PLD5: variants seen among roughly 807,000 people sequenced by gnomAD.
PLD5 encodes the protein phospholipase D family member 5, also known as inactive phospholipase D5.
A neutral mutation model predicts 61.1 loss-of-function variants in PLD5; 36 were observed. That is an observed-to-expected ratio of 0.59 (90% CI 0.45 to 0.78). The LOEUF (loss-of-function observed/expected upper bound fraction) is 0.78. Ranked by LOEUF, PLD5 falls within the 30% of genes least tolerant of loss-of-function variation. The pLI, the probability that PLD5 is intolerant of heterozygous loss-of-function variation, is 0.00. For missense variants in PLD5, 515 were observed against 644.4 expected, an observed-to-expected ratio of 0.80 and a Z score of 2.17; for synonymous variants, 243 against 242.8, an observed-to-expected ratio of 1.00 and a Z score of -0.01.
chr1:242,268,169 G>A (rs540124913), intron 3 of PLD5, among the ~76,000 whole-genome samples: 1 of 152,164 alleles, frequency 6.6e-6, no homozygotes, highest in South Asian at 2.1e-4. Flanking sequence ...ACTCCTCCAA[G>A]GAGTCCATTC....
intron 4 of PLD5, among the ~76,000 whole-genome samples, chr1:242,246,752 T>C (rs1443364901): frequency 2.6e-5 from 4 of 152,204 alleles, no homozygotes; most frequent in Non-Finnish European, 5.9e-5. Flanking sequence ...AGGTTTATTC[T>C]GAGCCAATCT....
At chr1:242,329,613 T>C (rs1231463838) in intron 2 of PLD5, among the ~76,000 whole-genome samples, 1 of 152,224 alleles carries the variant, frequency 6.6e-6, no homozygotes, top group Non-Finnish European at 1.5e-5. Context: ...ATCATTTAGG[T>C]CATTGGATAT....
chr1:242,314,267 GAGATAC>G (rs1676877626), intron 2 of PLD5, among the ~76,000 whole-genome samples: 1 of 152,158 alleles, frequency 6.6e-6, no homozygotes, highest in African/African-American at 2.4e-5. Context: ...CAAGCTTAAA[GAGATAC>G]AAGCCAGATG....
At chr1:242,150,500 T>C (rs1452977447) in intron 5 of PLD5, among the ~76,000 whole-genome samples, 2 of 151,866 alleles carry the variant, frequency 1.3e-5, no homozygotes, top group African/African-American at 2.4e-5. Context: ...TAGATGCATA[T>C]ACATTTAGGA....
chr1:242,130,281 A>T (rs1314863705), intron 5 of PLD5, among the ~76,000 whole-genome samples: 3 of 152,098 alleles, frequency 2.0e-5, no homozygotes, highest in African/African-American at 7.2e-5. Flanking sequence ...CAAACTCCTG[A>T]CCTCAGGTGA....
chr1:242,484,471 A>C (rs963889967), intron 1 of PLD5, among the ~76,000 whole-genome samples: 3 of 152,202 alleles, frequency 2.0e-5, no homozygotes, highest in African/African-American at 4.8e-5. Context: ...GAAATGGATA[A>C]ATTCCTCGAC....
chr1:242,489,826 G>C (rs1668084310), intron 1 of PLD5, among the ~76,000 whole-genome samples: 1 of 152,220 alleles, frequency 6.6e-6, no homozygotes, highest in African/African-American at 2.4e-5. Context: ...TCGACAAAAG[G>C]AGAGATCATT....
chr1:242,195,339 C>G (rs1325982492), intron 5 of PLD5, among the ~76,000 whole-genome samples: 1 of 152,142 alleles, frequency 6.6e-6, no homozygotes, highest in Non-Finnish European at 1.5e-5. Flanking sequence ...GTAAAGAGAG[C>G]AGAGCTCCCC....
At chr1:242,403,714 C>T (rs369224196) in intron 1 of PLD5, among the ~76,000 whole-genome samples, 38 of 152,192 alleles carry the variant, frequency 2.5e-4, no homozygotes, top group Non-Finnish European at 3.8e-4. Flanking sequence ...GTGATCCGCC[C>T]GCCTTGGCCT....
intron 2 of PLD5, among the ~76,000 whole-genome samples, chr1:242,321,037 T>C (rs1458111917): frequency 2.6e-5 from 4 of 152,178 alleles, no homozygotes; most frequent in African/African-American, 4.8e-5. Flanking sequence ...AACATTCTAC[T>C]ATCAACCGAA....
intron 1 of PLD5, among the ~76,000 whole-genome samples, chr1:242,432,034 G>C (rs1354655623): frequency 6.6e-6 from 1 of 152,170 alleles, no homozygotes; most frequent in African/African-American, 2.4e-5. Context: ...CCACAGGAAA[G>C]GGGGCACAAC....
At chr1:242,386,268 G>T (rs755093375) in intron 1 of PLD5, among the ~76,000 whole-genome samples, 3 of 152,084 alleles carry the variant, frequency 2.0e-5, no homozygotes, top group African/African-American at 2.4e-5. Flanking sequence ...TTTTTGACAG[G>T]GGACACAACT....
intron 1 of PLD5, among the ~76,000 whole-genome samples, chr1:242,369,346 AT>A (rs1661509277): frequency 6.6e-6 from 1 of 152,184 alleles, no homozygotes; most frequent in East Asian, 1.9e-4. Context: ...AGAATTTTAA[AT>A]GTACATATTT....
intron 4 of PLD5, among the ~76,000 whole-genome samples, chr1:242,247,157 T>C (rs899184105): frequency 1.3e-5 from 2 of 151,998 alleles, no homozygotes; most frequent in African/African-American, 2.4e-5. Context: ...CTAATTTTTG[T>C]ATTTTTAGTA....
chr1:242,174,643 C>A (rs1666992794), intron 5 of PLD5, among the ~76,000 whole-genome samples: 1 of 152,188 alleles, frequency 6.6e-6, no homozygotes, highest in Non-Finnish European at 1.5e-5. Context: ...AGACTTGGAA[C>A]CAACCCAAAT....
intron 1 of PLD5, among the ~76,000 whole-genome samples, chr1:242,470,106 C>T (rs1298341563): frequency 1.3e-5 from 2 of 152,056 alleles, no homozygotes; most frequent in African/African-American, 2.4e-5. Context: ...CTCTGGGAGA[C>T]GGAGGCGGGC....
At chr1:242,324,208 A>G (rs185002815) in intron 2 of PLD5, among the ~76,000 whole-genome samples, 1 of 152,336 alleles carries the variant, frequency 6.6e-6, no homozygotes. Context: ...TAAAATGTAA[A>G]AAGAGCTTTC....
intron 1 of PLD5, among the ~76,000 whole-genome samples, chr1:242,507,546 T>C (rs907145725): frequency 6.6e-6 from 1 of 152,246 alleles, no homozygotes; most frequent in Non-Finnish European, 1.5e-5. Flanking sequence ...TATTGGTGAC[T>C]GCCCTGAGCT....
intron 3 of PLD5, among the ~76,000 whole-genome samples, chr1:242,265,864 T>C (rs1365476009): frequency 6.6e-6 from 1 of 152,238 alleles, no homozygotes; most frequent in Non-Finnish European, 1.5e-5. Context: ...CTCCAGTTTC[T>C]TCCTCTGCAA....
Sources: allele counts gnomAD v4.1 joint callset (sites outside exome capture counted in the v4.1 genomes callset), GRCh38; gene constraint gnomAD v4.1.1; transcripts MANE v1.5; gene names NCBI Gene and HGNC (gene_info 2026-07-23, HGNC 2026-07-21).